Variants in ERCC6L observed in about 807,000 individuals in gnomAD.
ERCC6L encodes ERCC excision repair 6 like, spindle assembly checkpoint helicase, also known as DNA excision repair protein ERCC-6-like.
A neutral mutation model predicts 20.1 loss-of-function variants in ERCC6L; 7 were observed. The observed-to-expected ratio is 0.35, with a 90% confidence interval of 0.20 to 0.65. The LOEUF is 0.65. Ranked by LOEUF, ERCC6L falls within the 30% of genes least tolerant of loss-of-function variation. ERCC6L has a pLI of 0.69. For missense variants in ERCC6L, 592 were observed against 892.4 expected (o/e 0.66, Z 4.29); for synonymous variants, 278 against 331.3 (o/e 0.84, Z 1.75).
At chrX:72,214,714 C>T (rs1239340898) in intron 1 of ERCC6L, among the ~76,000 whole-genome samples, 1 of 102,377 alleles carries the variant, frequency 9.8e-6, no homozygotes, top group Non-Finnish European at 2.0e-5. Flanking sequence ...AGGCCAGGCA[C>T]GGTGGCTCAC....
intron 1 of ERCC6L, among the ~76,000 whole-genome samples, chrX:72,213,699 G>T (rs1437138607): frequency 8.9e-6 from 1 of 112,099 alleles, no homozygotes; most frequent in Non-Finnish European, 1.9e-5. Flanking sequence ...TAAGTGCCCG[G>T]GTTCGTCCTA....
chrX:72,212,948 A>C (rs917517276), intron 1 of ERCC6L, among the ~76,000 whole-genome samples: 8 of 111,240 alleles, frequency 7.2e-5, no homozygotes, highest in Non-Finnish European at 1.1e-4. Flanking sequence ...CCTGTCTCAA[A>C]AAAAAAAGAA....
At chrX:72,210,990 G>A (rs780148508) in intron 1 of ERCC6L, among the ~76,000 whole-genome samples, 5 of 111,783 alleles carry the variant, frequency 4.5e-5, no homozygotes, top group African/African-American at 1.6e-4. Context: ...GGAATCAGGA[G>A]GAAAAATAAA....
intron 1 of ERCC6L, among the ~76,000 whole-genome samples, chrX:72,219,842 C>T (rs1443710605): frequency 2.4e-4 from 21 of 88,518 alleles, no homozygotes; most frequent in Non-Finnish European, 3.8e-4. Context: ...AGTGAGACTC[C>T]GTCTCAAAAA....
intron 1 of ERCC6L, among the ~76,000 whole-genome samples, chrX:72,214,542 A>G (rs1045768297): frequency 1.6e-4 from 17 of 109,510 alleles, no homozygotes; most frequent in Non-Finnish European, 5.7e-5. Flanking sequence ...GCATGGTGGC[A>G]GGCACCTGTA....
intron 1 of ERCC6L, among the ~76,000 whole-genome samples, chrX:72,218,290 T>C (rs1322366291): frequency 1.9e-5 from 2 of 106,188 alleles, no homozygotes; most frequent in Non-Finnish European, 3.9e-5. Context: ...AAAAAATTAA[T>C]AATAGAGATG....
rs749613902 is a variant in ERCC6L, at chrX:72,205,418, TGTC to T, written c.3346_3348del (p.Asp1116del). 4.9e-5 allele frequency: 59 copies of T among 1,210,652 alleles called. No homozygotes were observed. In the African/African-American group the frequency reaches 8.2e-4, roughly 17 times the overall value. ...TCTTCAGGACCCTTTGCTTCACTGC[TGTC>T]GTCAAGTCTTTCCTCCATGTCCTCC... On this transcript the variant is annotated inframe_deletion, in exon 2 of 2. Transcript: ENST00000334463.
In ERCC6L at chrX:72,206,633, A is replaced by T; in HGVS notation, c.2134T>A (p.Ser712Thr). 2.5e-6 allele frequency: 3 copies of T among 1,210,842 alleles called. No homozygotes were observed. Among genetic ancestry groups the T allele is most frequent in the Non-Finnish European group, 3.4e-6 (3 of 895,317 alleles). ...QKAQFLVEFE[S>T]QNKEFLMEQQ... is the part of the protein sequence containing the mutation. ...TCCATCAGGAACTCTTTATTTTGAG[A>T]CTCGAATTCAACGAGGAATTGAGCT... Residue 712 changes from serine to threonine, a missense_variant, in exon 2 of 2, where the codon TCT (serine) becomes ACT (threonine). By Grantham distance (58) the Ser-to-Thr change is moderately conservative. This residue lies in a region of ERCC6L where 352 missense variants were observed against 402.6 expected (regional missense o/e 0.87). Transcript: ENST00000334463.
chrX:72,230,321 C>T (rs1445736162), intron 1 of ERCC6L, among the ~76,000 whole-genome samples: 1 of 111,041 alleles, frequency 9.0e-6, no homozygotes, highest in Non-Finnish European at 1.9e-5. Context: ...AAGATGGCAG[C>T]CTTGAGATAA....
intron 1 of ERCC6L, among the ~76,000 whole-genome samples, chrX:72,232,939 T>TA (rs1231718848): frequency 4.3e-4 from 45 of 104,247 alleles, no homozygotes; most frequent in South Asian, 1.2e-3. Flanking sequence ...CCCATCTCTT[T>TA]AAAAAAAAAA....
At chrX:72,223,163 C>T (rs1360805125) in intron 1 of ERCC6L, among the ~76,000 whole-genome samples, 4 of 98,240 alleles carry the variant, frequency 4.1e-5, no homozygotes, top group Non-Finnish European at 6.1e-5. Context: ...GGTGAAACCC[C>T]GTCTCTACTA....
In ERCC6L at chrX:72,204,942, G is replaced by T. The variant is rs2042807079; in HGVS notation, c.*72C>A. 2.1e-6 allele frequency: 2 copies of T among 954,908 alleles called. No homozygotes were observed. The highest frequency in any genetic ancestry group is 1.4e-6 in the Non-Finnish European group (1 of 706,734). The allele number at this position is 954,908 out of a possible 1,213,427, so 78.7% of individuals were successfully genotyped here. On this transcript the variant is annotated 3_prime_UTR_variant, in exon 2 of 2. Coordinates refer to ENST00000334463, the MANE Select transcript of ERCC6L (RefSeq NM_017669.4). ...AGCCTGAATGCTTCATGTTCCCAAAGAATCCAATTATGGGAACAAAAATTC... is the reference window on the plus strand; with the variant it reads ...AGCCTGAATGCTTCATGTTCCCAAATAATCCAATTATGGGAACAAAAATTC...
chrX:72,238,934 T>C lies in ERCC6L; in HGVS notation c.-23A>G, dbSNP rs756297360. ...CATGACCCTCGGATTGGGTTCCAGT[T>C]ACCCCGGCGGGAGTTTGGAGCTTGG... On this transcript the variant is annotated 5_prime_UTR_variant, in exon 1 of 2. Transcript: ENST00000334463. The C allele has an allele frequency of 2.6e-6, 3 of 1,172,455 alleles. No homozygotes were observed. Among genetic ancestry groups the C allele is most frequent in the Non-Finnish European group, 3.4e-6 (3 of 871,625 alleles).
chrX:72,210,202 A>AAAATAAATAAATAAAT (rs58086876), intron 1 of ERCC6L, among the ~76,000 whole-genome samples: 3 of 97,197 alleles, frequency 3.1e-5, no homozygotes, highest in Non-Finnish European at 6.1e-5. Context: ...TGTCTCTTAA[A>AAAATAAATAAATAAAT]AAATAAATAA....
In ERCC6L at chrX:72,206,279, A is replaced by G. The variant is rs761174938; in HGVS notation, c.2488T>C (p.Leu830=). 7 of 1,208,022 alleles carry G rather than the reference A, an allele frequency of 5.8e-6. No homozygotes were observed. The highest frequency in any genetic ancestry group is 2.2e-5 in the Admixed American group (1 of 45,433). Residue 830 remains leucine, a synonymous_variant, in exon 2 of 2, where the codon TTG becomes CTG. Coordinates refer to ENST00000334463, the MANE Select transcript of ERCC6L (RefSeq NM_017669.4). ...GTTGCAAAGCTTTTTTCCATTCCCA[A>G]TGAAGAGTTAGTACAAAGTTCTTCT... ...SVEELCTNSS[L]GMEKSFATKN... is the part of the protein sequence containing the mutation.
chrX:72,220,657 T>C (rs755270138), intron 1 of ERCC6L, among the ~76,000 whole-genome samples: 3 of 104,426 alleles, frequency 2.9e-5, no homozygotes, highest in Admixed American at 1.0e-4. Context: ...TAACCTCCCC[T>C]CCTCCCAGAG....
At chrX:72,209,979 T>C (rs2042843396) in intron 1 of ERCC6L, among the ~76,000 whole-genome samples, 1 of 108,828 alleles carries the variant, frequency 9.2e-6, no homozygotes, top group Non-Finnish European at 1.9e-5. Flanking sequence ...CTACAAAACT[T>C]AGGAAAAAAT....
intron 1 of ERCC6L, among the ~76,000 whole-genome samples, chrX:72,228,231 G>A (rs746749127): frequency 5.3e-5 from 6 of 112,244 alleles, no homozygotes; most frequent in Non-Finnish European, 1.1e-4. Flanking sequence ...AACTGCTGGC[G>A]AGGGTGCTCT....
rs2042827184 is a variant in ERCC6L at position 72,207,464 on chromosome X, C to T, written c.1303G>A (p.Gly435Arg). Residue 435 changes from glycine to arginine, a missense_variant, in exon 2 of 2, where the codon GGA (glycine) becomes AGA (arginine). Gly to Arg is a moderately radical substitution (Grantham distance 125). Transcript: ENST00000334463. The stretch of plus-strand genomic sequence containing the variant: ...TCTGGGGAATCTTCCCCCTCATTTC[C>T]ATCTTGAGCAGAGAATGTCCCAAGA... ...LNLGTFSAQD[G>R]NEGEDSPDVD... The T allele has an allele frequency of 1.7e-6, 2 of 1,208,517 alleles. No homozygotes were observed. Among genetic ancestry groups the T allele is most frequent in the Admixed American group, 2.2e-5 (1 of 45,563 alleles).
Sources: gnomAD v4.1 joint callset for allele counts (sites outside exome capture counted in the v4.1 genomes callset) on GRCh38, gnomAD v4.1.1 for gene constraint, gnomAD v4.1.1 regional missense constraint, MANE v1.5 for transcripts, NCBI Gene and HGNC (gene_info 2026-07-23, HGNC 2026-07-21) for gene names.